IGF2: variants seen among roughly 807,000 people sequenced by gnomAD.
The protein encoded by IGF2 is insulin like growth factor 2.
IGF2 carries 2 observed loss-of-function variants against 12.0 expected under a neutral mutation model. The ratio of observed to expected loss-of-function variants is 0.17; its 90% CI spans 0.07 to 0.52. IGF2 has a LOEUF of 0.52. IGF2 is among the 20% of genes least tolerant of loss of function. IGF2 has a pLI of 0.95. For missense variants in IGF2, 211 were observed against 268.0 expected, an observed-to-expected ratio of 0.79 and a Z score of 1.48; for synonymous variants, 105 against 110.1, an observed-to-expected ratio of 0.95 and a Z score of 0.29.
upstream of IGF2, among the ~76,000 whole-genome samples, chr11:2,142,519 C>T (rs1021898397): frequency 6.6e-6 from 1 of 152,128 alleles, no homozygotes; most frequent in Admixed American, 6.5e-5. This position sits in a 1 kb window ranked among gnomAD's most constrained non-coding sequence, Gnocchi z 5.7. Context: ...CCCAAGAAAT[C>T]AGTGCTGTCC....
rs1859296419 is a variant in IGF2 at position 2,138,734 on chromosome 11, G to C, written c.-512C>G. 13 of 765,346 alleles carry C rather than the reference G, an allele frequency of 1.7e-5. No individual in the cohort carries two copies. The highest frequency in any genetic ancestry group is 2.1e-5 in the Non-Finnish European group (13 of 632,972). The allele number at this position is 765,346 out of a possible 1,614,324, so 47.4% of individuals were successfully genotyped here. Reference sequence around the variant, plus strand: ...GGAGGGAGTCGGAGGCTAGGAGCTGGGGGGGACGGGAGGGAGCGAAGGGAA... The same window carrying C: ...GGAGGGAGTCGGAGGCTAGGAGCTGCGGGGGACGGGAGGGAGCGAAGGGAA... On this transcript the variant is annotated 5_prime_UTR_variant, in exon 1 of 4. Transcript: ENST00000416167.
upstream of IGF2, chr11:2,140,509 G>C (rs1406908521): frequency 1.7e-6 from 1 of 572,012 alleles, no homozygotes; most frequent in Non-Finnish European, 3.1e-6. Context: ...CCTCCCGGCG[G>C]AGTCCTAGGC....
At position 2,131,101 on chromosome 11, in the gene IGF2, GC is replaced by G. The variant is rs947306380; in HGVS notation, c.*1885del. 4 of 232,510 alleles carry G rather than the reference GC, an allele frequency of 1.7e-5. No homozygotes were observed. Among genetic ancestry groups the G allele is most frequent in the African/African-American group, 8.9e-5 (4 of 44,896 alleles). The allele number at this position is 232,510 out of a possible 1,614,324, so 14.4% of individuals were successfully genotyped here. ...GAGCATCGTGGCTCACGCTGCGGGG[GC>G]CGTGGGGACAGGCGCCAAGGAGGCC... On this transcript the variant is annotated 3_prime_UTR_variant, in exon 4 of 4. Coordinates refer to ENST00000416167, the MANE Select transcript of IGF2 (RefSeq NM_000612.6).
chr11:2,131,949 G>A lies in IGF2; in HGVS notation c.*1038C>T, dbSNP rs561453232. 5.3e-4 allele frequency: 86 copies of A among 162,076 alleles called. 1 individual carries two copies. Among genetic ancestry groups the A allele is most frequent in the Admixed American group, 2.4e-3 (33 of 13,662 alleles). The allele number at this position is 162,076 out of a possible 1,614,324, so 10.0% of individuals were successfully genotyped here. A position where few individuals can be genotyped will look rare whatever the true frequency, so the allele number is the denominator to read the frequency against. ...ATGTGTGTGCGTGTGTGTGCCGTGC[G>A]TTTGTGTGCTGTGTGTGCATGTGTG... is the stretch of plus-strand genomic sequence containing the variant. On this transcript the variant is annotated 3_prime_UTR_variant, in exon 4 of 4. Coordinates refer to ENST00000416167, the MANE Select transcript of IGF2 (RefSeq NM_000612.6).
upstream of IGF2, among the ~76,000 whole-genome samples, chr11:2,141,540 T>C (rs991448854): frequency 1.6e-4 from 25 of 152,120 alleles, no homozygotes; most frequent in African/African-American, 3.1e-4. Flanking sequence ...CCATATGAAA[T>C]TGGGAATTTT....
chr11:2,141,319 T>C (rs1859580238), upstream of IGF2: 2 of 152,072 alleles, frequency 1.3e-5, no homozygotes, highest in Admixed American at 1.3e-4. Flanking sequence ...GCTTAGCGAA[T>C]GGGTGTCCTG....
At chr11:2,149,482 CCTCCA>C in the IGF2 span, 1 of 752,796 alleles carries the variant, frequency 1.3e-6, no homozygotes, top group African/African-American at 1.7e-5. Flanking sequence ...CTCCTCATCC[CCTCCA>C]CTCGTTTCCC....
rs1055887176 is a variant in IGF2 at position 2,129,394 on chromosome 11, G to A, written c.*3593C>T. 3 of 229,234 alleles carry A rather than the reference G, an allele frequency of 1.3e-5. No individual in the cohort carries two copies. The highest frequency in any genetic ancestry group is 2.6e-5 in the Non-Finnish European group (3 of 115,498). The allele number at this position is 229,234 out of a possible 1,614,324, so 14.2% of individuals were successfully genotyped here. Reference sequence around the variant, plus strand: ...ATGGAGAGCCACGACTAGGCACGGAGGTCAGACAGGCAGCCCGGGCCAGGA... The same window carrying A: ...ATGGAGAGCCACGACTAGGCACGGAAGTCAGACAGGCAGCCCGGGCCAGGA... On this transcript the variant is annotated 3_prime_UTR_variant, in exon 4 of 4. Coordinates refer to ENST00000416167, the MANE Select transcript of IGF2 (RefSeq NM_000612.6). This position sits in a 1 kb window ranked among gnomAD's most constrained non-coding sequence, Gnocchi z 8.1.
At chr11:2,134,745 C>A (rs982894481) in intron 2 of IGF2, among the ~76,000 whole-genome samples, 3 of 152,080 alleles carry the variant, frequency 2.0e-5, no homozygotes, top group East Asian at 3.9e-4. Context: ...GGACAATGGG[C>A]CATGCACCCA....
At position 2,138,627 on chromosome 11, in the gene IGF2, A is replaced by T. The variant is rs1859283110; in HGVS notation, c.-405T>A. ...GAGAGGCGGGCAGGCGCACAGCGGG[A>T]GAGAACAGCACGGAGAGAAACAGAA... On this transcript the variant is annotated 5_prime_UTR_variant, in exon 1 of 4. Coordinates refer to ENST00000416167, the MANE Select transcript of IGF2 (RefSeq NM_000612.6). The T allele has an allele frequency of 1.0e-6, 1 of 977,810 alleles. No homozygotes were observed. The highest frequency in any genetic ancestry group is 1.8e-5 in the African/African-American group (1 of 55,070). 60.6% of individuals were successfully genotyped at this position (977,810 alleles called of 1,614,324 possible). A position where few individuals can be genotyped will look rare whatever the true frequency, so the allele number is the denominator to read the frequency against.
In IGF2 at chr11:2,135,503, C is replaced by A. The variant is rs146334276; in HGVS notation, c.21G>T (p.Lys7Asn). 230 of 1,613,494 alleles carry A rather than the reference C, an allele frequency of 1.4e-4. No homozygotes were observed. Among genetic ancestry groups the A allele is most frequent in the Non-Finnish European group, 1.9e-4 (223 of 1,179,864 alleles). Residue 7 changes from lysine to asparagine, a missense_variant, in exon 2 of 4, where the codon AAG becomes AAT. Lys to Asn is a moderately conservative substitution (Grantham distance 94). Transcript: ENST00000416167. MGIPMGKSMLVLLTFLA... is the reference protein window; with the variant it reads MGIPMGNSMLVLLTFLA... Reference sequence around the variant, plus strand: ...AGAAGGTGAGAAGCACCAGCATCGACTTCCCCATTGGGATTCCCATTGGTG... The same window carrying A: ...AGAAGGTGAGAAGCACCAGCATCGAATTCCCCATTGGGATTCCCATTGGTG...
At chr11:2,134,815 T>C (rs1858880927) in intron 2 of IGF2, among the ~76,000 whole-genome samples, 1 of 152,148 alleles carries the variant, frequency 6.6e-6, no homozygotes, top group Admixed American at 6.5e-5. Context: ...TGAAGCGTCC[T>C]TGAGGTCAGC....
In IGF2 at chr11:2,133,089, C is replaced by G. The variant is rs139194127; in HGVS notation, c.441G>C (p.Glu147Asp). The change falls in exon 4 of 4, where the codon GAG (glutamate) becomes GAC (aspartate). Residue 147 changes from glutamate (E) to aspartate (D), a missense_variant. Glu to Asp is a conservative substitution (Grantham distance 45). Around this residue, in one of 3 missense-constraint regions of IGF2, gnomAD observed 141 missense variants for 153.1 expected, o/e 0.92. Transcript: ENST00000416167. The surrounding 1 kb of genome is among the most constrained non-coding windows in gnomAD (Gnocchi z 8.9). ...RRGHVLAKELEAFREAKRHRP... is the reference protein window; with the variant it reads ...RRGHVLAKELDAFREAKRHRP... ...GGTGACGTTTGGCCTCCCTGAACGC[C>G]TCGAGCTCCTTGGCGAGCACGTGAC... is the stretch of plus-strand genomic sequence containing the variant. The G allele has an allele frequency of 6.2e-7, 1 of 1,608,140 alleles. No homozygotes were observed. Among genetic ancestry groups the G allele is most frequent in the Non-Finnish European group, 8.5e-7 (1 of 1,177,056 alleles).
chr11:2,147,700 T>G, the IGF2 span: 1 of 1,250,356 alleles, frequency 8.0e-7, no homozygotes, highest in Non-Finnish European at 1.0e-6. This position sits in a 1 kb window ranked among gnomAD's most constrained non-coding sequence, Gnocchi z 7.2. Context: ...GGGCTCAGGC[T>G]GTGGGGCAGG....
chr11:2,129,689 CTG>C lies in IGF2; in HGVS notation c.*3296_*3297del. The C allele has an allele frequency of 4.3e-6, 1 of 231,784 alleles. No individual in the cohort carries two copies. Among genetic ancestry groups the C allele is most frequent in the Non-Finnish European group, 8.6e-6 (1 of 116,950 alleles). 14.4% of individuals were successfully genotyped at this position (231,784 alleles called of 1,614,324 possible). A position where few individuals can be genotyped will look rare whatever the true frequency, so the allele number is the denominator to read the frequency against. On this transcript the variant is annotated 3_prime_UTR_variant, in exon 4 of 4. Transcript: ENST00000416167. This position sits in a 1 kb window ranked among gnomAD's most constrained non-coding sequence, Gnocchi z 8.1. Reference sequence around the variant, plus strand: ...GCGCTTGCCGAGGGACCCTCTGCGACTGAGGCGGACTGGCATGGACGACCCCC... The same window carrying C: ...GCGCTTGCCGAGGGACCCTCTGCGACAGGCGGACTGGCATGGACGACCCCC...
chr11:2,147,549 G>A, the IGF2 span: 2,446 of 1,100,478 alleles, frequency 2.2e-3, 6 homozygotes, highest in Non-Finnish European at 2.6e-3. This position sits in a 1 kb window ranked among gnomAD's most constrained non-coding sequence, Gnocchi z 7.2. Flanking sequence ...AGGCCTCAGG[G>A]TGCCTGAGAC....
chr11:2,138,967 G>C lies in IGF2; in HGVS notation c.-745C>G. On this transcript the variant is annotated 5_prime_UTR_variant, in exon 1 of 4. Transcript: ENST00000416167. The stretch of plus-strand genomic sequence containing the variant: ...TCGCGAGCCCGGGCCTCGGGAGGGG[G>C]ACAGGCGGTGGCGGCACCGGGGCCG... 1 of 981,326 alleles carries C rather than the reference G, an allele frequency of 1.0e-6. No individual in the cohort carries two copies. The highest frequency in any genetic ancestry group is 4.7e-5 in the South Asian group (1 of 21,182). The allele number at this position is 981,326 out of a possible 1,614,324, so 60.8% of individuals were successfully genotyped here. A position where few individuals can be genotyped will look rare whatever the true frequency, so the allele number is the denominator to read the frequency against.
chr11:2,146,938 G>C, the IGF2 span: 2 of 157,006 alleles, frequency 1.3e-5, no homozygotes, highest in Non-Finnish European at 2.8e-5. Context: ...TCTTGCACAC[G>C]GGAAGCCCCG....
Position 2,138,705 on chromosome 11 carries a change from G to A in IGF2, c.-483C>T, listed in dbSNP as rs1283836758. The A allele has an allele frequency of 5.2e-6, 4 of 768,794 alleles. No homozygotes were observed. The highest frequency in any genetic ancestry group is 6.6e-4 in the Middle Eastern group (1 of 1,512). The allele number at this position is 768,794 out of a possible 1,614,324, so 47.6% of individuals were successfully genotyped here. A position where few individuals can be genotyped will look rare whatever the true frequency, so the allele number is the denominator to read the frequency against. On this transcript the variant is annotated 5_prime_UTR_variant, in exon 1 of 4. Transcript: ENST00000416167. ...GCGAAGGCGAGAGGGCGGGCGTGAG[G>A]GGGGGAGGGAGTCGGAGGCTAGGAG... is the stretch of plus-strand genomic sequence containing the variant.
Sources: gnomAD v4.1 joint callset for allele counts (sites outside exome capture counted in the v4.1 genomes callset) on GRCh38, gnomAD v4.1.1 for gene constraint, gnomAD v4.1.1 regional missense constraint, Gnocchi (gnomAD v3.1) non-coding constraint, MANE v1.5 for transcripts, NCBI Gene and HGNC (gene_info 2026-07-23, HGNC 2026-07-21) for gene names.